Variants in UBE2U observed in about 807,000 individuals in gnomAD.
The protein encoded by UBE2U is ubiquitin-conjugating enzyme E2 U.
In UBE2U, 39 loss-of-function variants were observed where a neutral mutation model predicts 41.2. The observed-to-expected ratio is 0.95, with a 90% CI of 0.73 to 1.24. The LOEUF (loss-of-function observed/expected upper bound fraction) is 1.24. Ranked by LOEUF, UBE2U falls within the 50% of genes most tolerant of loss-of-function variation. The probability of loss-of-function intolerance (pLI) is 0.00; values close to 1 mark genes in which losing one functional copy is unlikely to be tolerated. For missense variants in UBE2U, 336 were observed against 363.1 expected (o/e 0.93, Z 0.61); for synonymous variants, 107 against 117.8 (o/e 0.91, Z 0.60).
At chr1:64,250,175 G>C (rs1437666814) in intron 8 of UBE2U, among the ~76,000 whole-genome samples, 1 of 152,030 alleles carries the variant, frequency 6.6e-6, no homozygotes, top group Non-Finnish European at 1.5e-5. Context: ...CCAGTGAAAA[G>C]CTCTCTCTAA....
chr1:64,246,488 G>A (rs1644923050), intron 8 of UBE2U, among the ~76,000 whole-genome samples: 1 of 152,250 alleles, frequency 6.6e-6, no homozygotes, highest in African/African-American at 2.4e-5. Context: ...TTTAAGGAGT[G>A]CTAGCTTTAT....
intron 7 of UBE2U, among the ~76,000 whole-genome samples, chr1:64,239,157 A>AAGAAGAAGAAGAAGAAGAAAG: frequency 1.1e-4 from 4 of 37,060 alleles, no homozygotes; most frequent in East Asian, 1.0e-3. Flanking sequence ...GAAGAAGAAG[A>AAGAAGAAGAAGAAGAAGAAAG]AAGAAGAAGA....
At chr1:64,264,079 A>G (rs181145288) in intron 9 of UBE2U, among the ~76,000 whole-genome samples, 1 of 152,090 alleles carries the variant, frequency 6.6e-6, no homozygotes, top group East Asian at 1.9e-4. Context: ...CCTGTGTTAG[A>G]CTCTCACTCT....
At chr1:64,242,890 AT>A (rs1336772513) in intron 8 of UBE2U, among the ~76,000 whole-genome samples, 5 of 152,116 alleles carry the variant, frequency 3.3e-5, no homozygotes, top group Non-Finnish European at 5.9e-5. Flanking sequence ...TATAAGGTTA[AT>A]TTTTCTTTGA....
chr1:64,256,946 T>C (rs1570145805), intron 8 of UBE2U, among the ~76,000 whole-genome samples: 3 of 150,144 alleles, frequency 2.0e-5, no homozygotes, highest in Admixed American at 1.3e-4. Flanking sequence ...GCAAAGGACA[T>C]GAACAGAAGC....
chr1:64,245,687 C>T (rs1644908982), intron 8 of UBE2U, among the ~76,000 whole-genome samples: 1 of 152,114 alleles, frequency 6.6e-6, no homozygotes, highest in South Asian at 2.1e-4. Context: ...CACAATAATA[C>T]CCATCAGCCT....
intron 7 of UBE2U, among the ~76,000 whole-genome samples, chr1:64,237,807 A>AT (rs1644697932): frequency 6.6e-6 from 1 of 152,210 alleles, no homozygotes; most frequent in Non-Finnish European, 1.5e-5. Context: ...TAATAGGACT[A>AT]TTCAGGAAAG....
At chr1:64,264,691 G>A (rs1570168181) in intron 9 of UBE2U, among the ~76,000 whole-genome samples, 1 of 152,274 alleles carries the variant, frequency 6.6e-6, no homozygotes, top group Admixed American at 6.5e-5. Context: ...AGTGGCTCAC[G>A]CCTGTAATCC....
chr1:64,249,965 T>G (rs1235511600), intron 8 of UBE2U, among the ~76,000 whole-genome samples: 1 of 152,068 alleles, frequency 6.6e-6, no homozygotes, highest in Non-Finnish European at 1.5e-5. Flanking sequence ...AAGCACATCA[T>G]AATCAAATTG....
rs186011008 is a variant in UBE2U, at chr1:64,218,376, C to T, written c.458-2483C>T. ...TATACCAGATAGTCCAGTAACTTTT[C>T]GGCAAAGTTTCTAAGTTGCTAGTTT... On this transcript the variant is annotated intron_variant, in intron 5 of 9. Transcript: ENST00000371077. 2.2e-4 allele frequency among the ~76,000 whole-genome samples: 33 copies of T among 152,172 alleles called. 1 individual carries two copies. Among genetic ancestry groups the T allele is most frequent in the African/African-American group, 5.1e-4 (21 of 41,514 alleles).
At chr1:64,260,215 T>A (rs2100545136) in intron 8 of UBE2U, among the ~76,000 whole-genome samples, 1 of 152,248 alleles carries the variant, frequency 6.6e-6, no homozygotes, top group South Asian at 2.1e-4. Flanking sequence ...ATCCCCAACA[T>A]CTAGCTTCCA....
Position 64,203,948 on chromosome 1 carries a change from A to G in UBE2U, c.-103A>G. On this transcript the variant is annotated 5_prime_UTR_variant, in exon 1 of 10. It adds an upstream start codon to the 5' untranslated region. Coordinates refer to ENST00000371077, the MANE Select transcript of UBE2U (RefSeq NM_001366232.2). Reference sequence around the variant, plus strand: ...AGGTTCTAGAAAGCAAGTAACTTATATCAGTTTACTAAGTGTGGGAAAGTG... The same window carrying G: ...AGGTTCTAGAAAGCAAGTAACTTATGTCAGTTTACTAAGTGTGGGAAAGTG... 1 of 951,216 alleles carries G rather than the reference A, an allele frequency of 1.1e-6. No homozygotes were observed. Among genetic ancestry groups the G allele is most frequent in the Non-Finnish European group, 1.6e-6 (1 of 630,432 alleles). The allele number at this position is 951,216 out of a possible 1,614,324, so 58.9% of individuals were successfully genotyped here.
chr1:64,244,079 G>T (rs371589943), intron 8 of UBE2U: 34 of 1,308,122 alleles, frequency 2.6e-5, no homozygotes, highest in Non-Finnish European at 3.6e-5. Flanking sequence ...CATAAAGTTC[G>T]CTATTATTCA....
At chr1:64,223,904 C>G (rs1203341664) in intron 6 of UBE2U, among the ~76,000 whole-genome samples, 1 of 152,064 alleles carries the variant, frequency 6.6e-6, no homozygotes, top group Non-Finnish European at 1.5e-5. Flanking sequence ...TTCCAACAGC[C>G]TGACACAGGG....
At chr1:64,239,135 GAA>G (rs1165561020) in intron 7 of UBE2U, among the ~76,000 whole-genome samples, 3 of 28,682 alleles carry the variant, frequency 1.0e-4, no homozygotes, top group African/African-American at 1.9e-4. Flanking sequence ...AGAAGAAGAA[GAA>G]GAAGAAGAAG....
At position 64,260,708 on chromosome 1, in the gene UBE2U, C is replaced by G. The variant is rs547876596; in HGVS notation, c.769+14C>G. 1.3e-6 allele frequency: 2 copies of G among 1,537,270 alleles called. No individual in the cohort carries two copies. Among genetic ancestry groups the G allele is most frequent in the East Asian group, 4.9e-5 (2 of 40,710 alleles). On this transcript the variant is annotated intron_variant, in intron 9 of 9. Transcript: ENST00000371077. ...GCCCAACTCTAAGTAAATCGATTCACTCTATTTGTTTTGCTTTTATAAATA... is the reference window on the plus strand; with the variant it reads ...GCCCAACTCTAAGTAAATCGATTCAGTCTATTTGTTTTGCTTTTATAAATA...
intron 5 of UBE2U, 60 bp from the exon 6 acceptor site, chr1:64,220,799 A>C (rs1376831559): frequency 8.0e-6 from 10 of 1,254,192 alleles, no homozygotes; most frequent in Non-Finnish European, 1.2e-5. Context: ...AATAGTGCAC[A>C]TAAAGCCATA....
chr1:64,244,180 A>C, intron 8 of UBE2U: 1 of 1,604,114 alleles, frequency 6.2e-7, no homozygotes, highest in Non-Finnish European at 8.5e-7. Flanking sequence ...TGAGCTTCAG[A>C]GTCAAACAGA....
Position 64,214,949 on chromosome 1 carries a change from T to C in UBE2U, c.457+17T>C. The C allele has an allele frequency of 6.2e-7, 1 of 1,600,974 alleles. No individual in the cohort carries two copies. The highest frequency in any genetic ancestry group is 8.6e-7 in the Non-Finnish European group (1 of 1,168,312). On this transcript the variant is annotated intron_variant, in intron 5 of 9. Coordinates refer to ENST00000371077, the MANE Select transcript of UBE2U (RefSeq NM_001366232.2). ...CATTACAAAGTAAGAAGTATCTACT[T>C]TTGTTAGGTGCAGTGGCTCACGCCT... is the stretch of plus-strand genomic sequence containing the variant.
Sources: allele counts gnomAD v4.1 joint callset (sites outside exome capture counted in the v4.1 genomes callset), GRCh38; gene constraint gnomAD v4.1.1; transcripts MANE v1.5; gene names NCBI Gene and HGNC (gene_info 2026-07-23, HGNC 2026-07-21).